PIEZO2: variants seen among roughly 807,000 people sequenced by gnomAD.
PIEZO2 encodes the protein piezo type mechanosensitive ion channel component 2.
PIEZO2 carries 172 observed loss-of-function variants against 337.3 expected under a neutral mutation model. The observed-to-expected ratio is 0.51, with a 90% CI of 0.45 to 0.58. PIEZO2 has a LOEUF of 0.58. Ranked by LOEUF, PIEZO2 falls within the 20% of genes least tolerant of loss-of-function variation. PIEZO2 has a pLI of 0.00. For missense variants in PIEZO2, 3,028 were observed against 3,391.3 expected, an observed-to-expected ratio of 0.89 and a Z score of 2.66; for synonymous variants, 1,251 against 1,228.5, an observed-to-expected ratio of 1.02 and a Z score of -0.38.
chr18:11,108,182 C>CA (rs984982527), intron 1 of PIEZO2, among the ~76,000 whole-genome samples: 5 of 151,826 alleles, frequency 3.3e-5, no homozygotes, highest in South Asian at 4.2e-4. Context: ...GAAAACAGAA[C>CA]AAAAAAAAGT....
chr18:11,073,848 CTT>C (rs71362202), intron 1 of PIEZO2, among the ~76,000 whole-genome samples: 8 of 137,130 alleles, frequency 5.8e-5, no homozygotes, highest in Non-Finnish European at 7.8e-5. Context: ...ATAACAACTG[CTT>C]TTTTTTTTTT....
chr18:10,671,803 T>C (rs1168360821), intron 55 of PIEZO2, 24 bp from the exon 56 acceptor site: 21 of 1,585,306 alleles, frequency 1.3e-5, no homozygotes, highest in Non-Finnish European at 1.8e-5. Context: ...TAAGTAGAAA[T>C]TGCATACAGC....
chr18:10,817,884 C>T (rs1053279992), intron 7 of PIEZO2, among the ~76,000 whole-genome samples: 4 of 148,864 alleles, frequency 2.7e-5, no homozygotes, highest in Non-Finnish European at 4.4e-5. Context: ...GATTGTGCCA[C>T]TGCACTCCAG....
intron 7 of PIEZO2, among the ~76,000 whole-genome samples, chr18:10,820,784 T>C (rs2040499026): frequency 6.6e-6 from 1 of 152,218 alleles, no homozygotes; most frequent in East Asian, 1.9e-4. Context: ...TTAAGTTACT[T>C]GCATCAGCTT....
At chr18:10,692,364 C>T (rs76272852) in intron 47 of PIEZO2, among the ~76,000 whole-genome samples, 1,554 of 152,192 alleles carry the variant, frequency 0.01, 21 homozygotes, top group African/African-American at 0.036. Context: ...CTTCTCTGTC[C>T]TTAAAATTAA....
intron 4 of PIEZO2, among the ~76,000 whole-genome samples, chr18:10,891,960 G>A (rs1197787149): frequency 6.6e-6 from 1 of 152,168 alleles, no homozygotes; most frequent in African/African-American, 2.4e-5. Flanking sequence ...CAGTTCAAGT[G>A]TGCTTTAATT....
At position 10,689,668 on chromosome 18, in the gene PIEZO2, C is replaced by T. The variant is rs747466497; in HGVS notation, c.7484G>A (p.Arg2495Gln). 7 of 1,614,206 alleles carry T rather than the reference C, an allele frequency of 4.3e-6. No individual in the cohort carries two copies. Among genetic ancestry groups the T allele is most frequent in the South Asian group, 3.3e-5 (3 of 91,080 alleles). ...CTGGCTTCTTACCTTCTCCGACTCC[C>T]GCCAACACTTCAGGATGAATATGTG... ...YAHIFILKCW[R>Q]ESEKRYPQPR... Residue 2495 changes from arginine (R) to glutamine (Q), a missense_variant, in exon 49 of 56, where the codon CGG becomes CAG. Transcript: ENST00000674853.
chr18:10,930,471 T>TA (rs1327665165), intron 3 of PIEZO2, among the ~76,000 whole-genome samples: 16 of 152,350 alleles, frequency 1.1e-4, no homozygotes, highest in African/African-American at 3.6e-4. Flanking sequence ...GTACTCCTTA[T>TA]ATGTATTAAT....
chr18:10,685,777 C>T (rs140123857), intron 49 of PIEZO2, among the ~76,000 whole-genome samples: 10 of 152,320 alleles, frequency 6.6e-5, no homozygotes, highest in East Asian at 1.9e-4. Flanking sequence ...GTCAGTTTCC[C>T]GAGCCTTCTG....
rs1170131870 is a variant in PIEZO2, at chr18:10,807,268, A to G, written c.924T>C (p.Phe308=). 1.3e-6 allele frequency: 2 copies of G among 1,534,220 alleles called. No homozygotes were observed. The highest frequency in any genetic ancestry group is 1.4e-5 in the African/African-American group (1 of 73,098). The change falls in exon 8 of 56, where the codon TTT becomes TTC. Residue 308 remains phenylalanine, a synonymous_variant. Coordinates refer to ENST00000674853, the MANE Select transcript of PIEZO2 (RefSeq NM_001378183.1). ...VPPNDYYARL[F]GIKSVIQTDC... ...CCGTTTGAATTACTGACTTGATACC[A>G]AACAACCTGTTAAAAAACAAAGAAA...
chr18:10,898,222 C>A (rs1157571609), intron 4 of PIEZO2, among the ~76,000 whole-genome samples: 1 of 152,110 alleles, frequency 6.6e-6, no homozygotes, highest in African/African-American at 2.4e-5. Flanking sequence ...GAGATCGAGA[C>A]CATCCTGGCT....
At chr18:10,959,362 G>A (rs1374418927) in intron 3 of PIEZO2, among the ~76,000 whole-genome samples, 2 of 152,048 alleles carry the variant, frequency 1.3e-5, no homozygotes, top group Non-Finnish European at 2.9e-5. Flanking sequence ...TTATCTAAAG[G>A]CAGGCTGTTA....
rs2033848290 is a variant in PIEZO2, at chr18:10,962,991, A to C, written c.286+16544T>G. 6.6e-6 allele frequency among the ~76,000 whole-genome samples: 1 copy of C among 152,190 alleles called. No individual in the cohort carries two copies. The highest frequency in any genetic ancestry group is 2.1e-4 in the South Asian group (1 of 4,826). On this transcript the variant is annotated intron_variant, in intron 3 of 55. Transcript: ENST00000674853. This position sits in a 1 kb window ranked among gnomAD's most constrained non-coding sequence, Gnocchi z 4.1. ...CAGAATCATTCCTCCTGTCAAAATT[A>C]AATAGAAATATCTGGCCTGGTATGG...
intron 39 of PIEZO2, among the ~76,000 whole-genome samples, chr18:10,710,100 T>G (rs944009788): frequency 2.0e-5 from 3 of 152,272 alleles, no homozygotes; most frequent in African/African-American, 7.2e-5. Context: ...CATTTAATAT[T>G]TGCAGAGATG....
intron 2 of PIEZO2, among the ~76,000 whole-genome samples, chr18:11,024,883 C>T (rs2036476264): frequency 6.6e-6 from 1 of 151,526 alleles, no homozygotes; most frequent in South Asian, 2.1e-4. Flanking sequence ...AGGTGATCTG[C>T]CCCCCGTGGC....
Position 10,784,556 on chromosome 18 carries a change from G to A in PIEZO2, c.2492+228C>T, listed in dbSNP as rs1000342769. Among the ~76,000 whole-genome samples the A allele has an allele frequency of 1.3e-5, 2 of 152,254 alleles. No homozygotes were observed. Among genetic ancestry groups the A allele is most frequent in the East Asian group, 1.9e-4 (1 of 5,178 alleles). On this transcript the variant is annotated intron_variant, in intron 17 of 55. Transcript: ENST00000674853. The surrounding 1 kb of genome is among the most constrained non-coding windows in gnomAD (Gnocchi z 4.5). ...AGCTACTCTGAATATCTCACAAGAC[G>A]ATCAAGATCACTTTACATTAACCAG...
intron 30 of PIEZO2, 116 bp from the exon 31 acceptor site, chr18:10,744,347 G>T: frequency 1.5e-6 from 1 of 673,110 alleles, no homozygotes; most frequent in Non-Finnish European, 2.5e-6. Flanking sequence ...GCAGCTGCTT[G>T]TAGTTTCCTG....
At chr18:11,144,929 C>G (rs1055975637) in intron 1 of PIEZO2, among the ~76,000 whole-genome samples, 5 of 152,140 alleles carry the variant, frequency 3.3e-5, no homozygotes, top group African/African-American at 1.2e-4. Context: ...TCAGGAACAT[C>G]AGTTAAAAAC....
intron 3 of PIEZO2, among the ~76,000 whole-genome samples, chr18:10,922,710 A>G (rs1406700585): frequency 6.6e-6 from 1 of 152,094 alleles, no homozygotes; most frequent in South Asian, 2.1e-4. Context: ...GCAGGCAGGC[A>G]GGGAGTTCAG....
Sources: allele counts gnomAD v4.1 joint callset (sites outside exome capture counted in the v4.1 genomes callset), GRCh38; gene constraint gnomAD v4.1.1; non-coding constraint Gnocchi (gnomAD v3.1); transcripts MANE v1.5; gene names NCBI Gene and HGNC (gene_info 2026-07-23, HGNC 2026-07-21).